Variants in VSNL1 observed in about 807,000 individuals in gnomAD.
VSNL1 encodes visinin like 1, also known as visinin-like protein 1.
Under a neutral mutation model 20.4 loss-of-function variants are expected in VSNL1, and 6 were observed. The ratio of observed to expected loss-of-function variants is 0.29; its 90% CI spans 0.16 to 0.58. The LOEUF (loss-of-function observed/expected upper bound fraction) is 0.58, where lower values mean the gene tolerates loss of function less well. Ranked by LOEUF, VSNL1 falls within the 20% of genes least tolerant of loss-of-function variation. The pLI is 0.90. For missense variants in VSNL1, 100 were observed against 234.5 expected, an observed-to-expected ratio of 0.43 and a Z score of 3.75; for synonymous variants, 93 against 86.4, an observed-to-expected ratio of 1.08 and a Z score of -0.42.
At chr2:17,654,935 A>T (rs1039721937) in intron 3 of VSNL1, among the ~76,000 whole-genome samples, 1 of 152,238 alleles carries the variant, frequency 6.6e-6, no homozygotes, top group African/African-American at 2.4e-5. Context: ...TTACAGGAGC[A>T]CGTGCTTCCT....
intron 1 of VSNL1, among the ~76,000 whole-genome samples, chr2:17,558,961 A>C (rs1172125284): frequency 6.6e-6 from 1 of 152,188 alleles, no homozygotes; most frequent in East Asian, 1.9e-4. Context: ...AAAGAAACTC[A>C]GAGGTAGGCA....
chr2:17,600,619 T>C (rs149833498), intron 2 of VSNL1, among the ~76,000 whole-genome samples: 2,657 of 152,322 alleles, frequency 0.017, 27 homozygotes, highest in Non-Finnish European at 0.025. Context: ...TACTAAGATG[T>C]GGTTAGGAGC....
At chr2:17,640,266 AAAAG>A (rs1297998628) in intron 2 of VSNL1, among the ~76,000 whole-genome samples, 4 of 151,420 alleles carry the variant, frequency 2.6e-5, no homozygotes, top group Admixed American at 1.3e-4. Flanking sequence ...AAAAAAAAAA[AAAAG>A]AAAGAAAAGA....
intron 1 of VSNL1, among the ~76,000 whole-genome samples, chr2:17,589,746 T>C (rs1458520863): frequency 6.6e-6 from 1 of 152,232 alleles, no homozygotes; most frequent in Non-Finnish European, 1.5e-5. Flanking sequence ...GAAGCCAAGC[T>C]TCCTTGCCTA....
rs768402188 is a variant in VSNL1 at position 17,649,378 on chromosome 2, C to T, written c.163-32C>T. On this transcript the variant is annotated intron_variant, in intron 2 of 3. Transcript: ENST00000295156. This position sits in a 1 kb window ranked among gnomAD's most constrained non-coding sequence, Gnocchi z 6.4. Reference sequence around the variant, plus strand: ...TCGTCGCCCCGATTCCATCCCCTCCCGACACCTGACTGCGCGTGTTCTCCT... The same window carrying T: ...TCGTCGCCCCGATTCCATCCCCTCCTGACACCTGACTGCGCGTGTTCTCCT... 4.2e-5 allele frequency: 68 copies of T among 1,609,214 alleles called. No individual in the cohort carries two copies. Among genetic ancestry groups the T allele is most frequent in the East Asian group, 2.2e-5 (1 of 44,862 alleles).
intron 2 of VSNL1, among the ~76,000 whole-genome samples, chr2:17,642,070 G>A (rs545982896): frequency 3.3e-5 from 5 of 152,174 alleles, no homozygotes; most frequent in South Asian, 2.1e-4. Flanking sequence ...CCAGGGAAAC[G>A]AAAGTCCCAA....
chr2:17,568,599 G>T (rs995271604), intron 1 of VSNL1, among the ~76,000 whole-genome samples: 1 of 152,126 alleles, frequency 6.6e-6, no homozygotes, highest in African/African-American at 2.4e-5. Context: ...TTGCATCCTA[G>T]TATGTTTGTT....
intron 2 of VSNL1, among the ~76,000 whole-genome samples, chr2:17,613,249 A>G (rs1352277179): frequency 6.6e-6 from 1 of 152,220 alleles, no homozygotes; most frequent in Non-Finnish European, 1.5e-5. Context: ...GATTTCTCAA[A>G]TCTTCAGCAA....
rs549364968 is a variant in VSNL1, at chr2:17,551,565, T to A, written c.-6+10647T>A. Among the ~76,000 whole-genome samples the A allele has an allele frequency of 1.6e-3, 241 of 152,144 alleles. 1 individual carries two copies. Among genetic ancestry groups the A allele is most frequent in the Non-Finnish European group, 7.1e-4 (48 of 68,016 alleles). ...ACAAGGAATAATAAAAAATGGCATA[T>A]GATTCATTCTTAAAACAAGAGGCCT... On this transcript the variant is annotated intron_variant, in intron 1 of 3. Coordinates refer to ENST00000295156, the MANE Select transcript of VSNL1 (RefSeq NM_003385.5).
intron 1 of VSNL1, among the ~76,000 whole-genome samples, chr2:17,546,602 A>G (rs1663411340): frequency 6.6e-6 from 1 of 152,032 alleles, no homozygotes; most frequent in South Asian, 2.1e-4. Context: ...CATTGGTTTT[A>G]GTAATTTGTG....
At chr2:17,584,270 G>A (rs1359780072) in intron 1 of VSNL1, among the ~76,000 whole-genome samples, 1 of 152,104 alleles carries the variant, frequency 6.6e-6, no homozygotes, top group Non-Finnish European at 1.5e-5. Flanking sequence ...GGGAAACTGA[G>A]TCTGAGTAGA....
chr2:17,622,556 GAAAGAAAGAAAGA>G (rs1362437938), intron 2 of VSNL1, among the ~76,000 whole-genome samples: 1 of 104,778 alleles, frequency 9.5e-6, no homozygotes, highest in Admixed American at 9.4e-5. Context: ...AAGAAAGAAA[GAAAGAAAGAAAGA>G]AAGAAAGAAA....
chr2:17,597,989 C>A (rs1485286671), intron 2 of VSNL1, among the ~76,000 whole-genome samples: 1 of 152,160 alleles, frequency 6.6e-6, no homozygotes, highest in Non-Finnish European at 1.5e-5. Flanking sequence ...TTTGTTGATA[C>A]AACTACCCAG....
intron 2 of VSNL1, among the ~76,000 whole-genome samples, chr2:17,615,253 G>A (rs773012017): frequency 2.0e-5 from 3 of 152,210 alleles, no homozygotes; most frequent in Non-Finnish European, 4.4e-5. Context: ...TGGGATTGGT[G>A]AGAGTGAGGG....
intron 1 of VSNL1, among the ~76,000 whole-genome samples, chr2:17,588,438 A>G (rs1294602970): frequency 6.6e-6 from 1 of 152,220 alleles, no homozygotes; most frequent in Non-Finnish European, 1.5e-5. Flanking sequence ...AGACAGAGCC[A>G]GCCTGCTTCC....
At chr2:17,553,733 G>A (rs528901365) in intron 1 of VSNL1, among the ~76,000 whole-genome samples, 1 of 152,310 alleles carries the variant, frequency 6.6e-6, no homozygotes, top group South Asian at 2.1e-4. Context: ...TAATCTCTTT[G>A]AGCCCCAGTC....
chr2:17,619,862 TA>T (rs77449745), intron 2 of VSNL1, among the ~76,000 whole-genome samples: 503 of 142,516 alleles, frequency 3.5e-3, no homozygotes, highest in East Asian at 9.2e-3. Context: ...GTTACAGTCT[TA>T]AAAAAAAAAA....
At chr2:17,589,378 A>C (rs574947965) in intron 1 of VSNL1, among the ~76,000 whole-genome samples, 3 of 152,284 alleles carry the variant, frequency 2.0e-5, no homozygotes, top group Non-Finnish European at 4.4e-5. Context: ...GCTTTTAGAG[A>C]GTAGATCAAT....
intron 2 of VSNL1, among the ~76,000 whole-genome samples, chr2:17,597,020 C>T (rs1473097886): frequency 1.3e-5 from 2 of 152,228 alleles, no homozygotes; most frequent in Admixed American, 6.5e-5. Context: ...AGGCCACGTA[C>T]GATGGCAGCA....
Sources: gnomAD v4.1 joint callset for allele counts (sites outside exome capture counted in the v4.1 genomes callset) on GRCh38, gnomAD v4.1.1 for gene constraint, Gnocchi (gnomAD v3.1) non-coding constraint, MANE v1.5 for transcripts, NCBI Gene and HGNC (gene_info 2026-07-23, HGNC 2026-07-21) for gene names.